Variants in BIRC2 observed in about 807,000 individuals in gnomAD.
The protein encoded by BIRC2 is baculoviral IAP repeat containing 2, also known as baculoviral IAP repeat-containing protein 2.
Under a neutral mutation model 60.9 loss-of-function variants are expected in BIRC2, and 18 were observed. That is an observed-to-expected ratio of 0.30 (90% CI 0.20 to 0.44). The LOEUF (loss-of-function observed/expected upper bound fraction) is 0.44. Among genes scored for constraint, BIRC2 ranks in the 20% least tolerant of loss-of-function variants. BIRC2 has a pLI of 1.00. For synonymous variants in BIRC2, 282 were observed against 247.7 expected (o/e 1.14, Z -1.30); for missense variants, 701 against 728.5 (o/e 0.96, Z 0.43).
rs1388056176 is a variant in BIRC2 at position 102,368,490 on chromosome 11, T to A, written c.1308T>A (p.Asn436Lys). 6.2e-7 allele frequency: 1 copy of A among 1,613,880 alleles called. No individual in the cohort carries two copies. Among genetic ancestry groups the A allele is most frequent in the Non-Finnish European group, 8.5e-7 (1 of 1,179,922 alleles). Residue 436 changes from asparagine to lysine, a missense_variant, in exon 6 of 9, where the codon AAT (asparagine) becomes AAA (lysine). Transcript: ENST00000227758. The part of the protein sequence containing the change: ...TVNDIVSALL[N>K]AEDEKREEEK... ...ATGATATTGTGTCAGCACTTCTTAA[T>A]GCTGAAGATGAAAAAAGAGAAGAGG...
In BIRC2 at chr11:102,350,165, A is replaced by T; in HGVS notation, c.311A>T (p.Lys104Ile). The change falls in exon 2 of 9, where the codon AAA (lysine) becomes ATA (isoleucine). Residue 104 changes from lysine (K) to isoleucine (I), a missense_variant. Lys to Ile is a moderately radical substitution (Grantham distance 102). This residue lies in a region of BIRC2 where 375 missense variants were observed against 365.9 expected (regional missense o/e 1.02). Coordinates refer to ENST00000227758, the MANE Select transcript of BIRC2 (RefSeq NM_001166.5). ...KLGDSPIQKHKQLYPSCSFIQ... is the reference protein window; with the variant it reads ...KLGDSPIQKHIQLYPSCSFIQ... ...GGAGACAGTCCTATTCAAAAGCATA[A>T]ACAGCTATATCCTAGCTGTAGCTTT... 1 of 1,614,204 alleles carries T rather than the reference A, an allele frequency of 6.2e-7. No homozygotes were observed. Among genetic ancestry groups the T allele is most frequent in the South Asian group, 1.1e-5 (1 of 91,086 alleles).
At chr11:102,377,381 T>C in intron 6 of BIRC2, 115 bp from the exon 7 acceptor site, 1 of 924,164 alleles carries the variant, frequency 1.1e-6, no homozygotes, top group South Asian at 1.9e-5. Context: ...ACTTTGTTCT[T>C]TTTTGAACTT....
chr11:102,362,041 A>C (rs1951490522), intron 3 of BIRC2, among the ~76,000 whole-genome samples: 1 of 152,076 alleles, frequency 6.6e-6, no homozygotes, highest in South Asian at 2.1e-4. Context: ...TCTTTTGAAG[A>C]GCAGATGTTT....
At position 102,349,859 on chromosome 11, in the gene BIRC2, A is replaced by G; in HGVS notation, c.5A>G (p.His2Arg). Reference sequence around the variant, plus strand: ...AAACAGTACTGTCACCTACTCATGCACAAAACTGCCTCCCAAAGACTTTTC... The same window carrying G: ...AAACAGTACTGTCACCTACTCATGCGCAAAACTGCCTCCCAAAGACTTTTC... Reference protein sequence around the residue: MHKTASQRLFPG... With the variant: MRKTASQRLFPG... The change falls in exon 2 of 9, where the codon CAC becomes CGC. Residue 2 changes from histidine to arginine, a missense_variant. His to Arg is a conservative substitution (Grantham distance 29). Coordinates refer to ENST00000227758, the MANE Select transcript of BIRC2 (RefSeq NM_001166.5). 5 of 1,600,810 alleles carry G rather than the reference A, an allele frequency of 3.1e-6. No homozygotes were observed. Among genetic ancestry groups the G allele is most frequent in the Non-Finnish European group, 4.3e-6 (5 of 1,172,776 alleles).
At chr11:102,360,703 T>C (rs897189004) in intron 3 of BIRC2, among the ~76,000 whole-genome samples, 5 of 151,756 alleles carry the variant, frequency 3.3e-5, no homozygotes, top group Non-Finnish European at 7.4e-5. Flanking sequence ...TTTTTTTCTT[T>C]CTGTTTCTTG....
At chr11:102,374,181 CTCCA>C (rs1816059452) in intron 6 of BIRC2, among the ~76,000 whole-genome samples, 2 of 151,336 alleles carry the variant, frequency 1.3e-5, no homozygotes, top group African/African-American at 4.9e-5. Context: ...CAAAGTCATT[CTCCA>C]TCCAGCTTTG....
In BIRC2 at chr11:102,349,825, T is replaced by G. The variant is rs762676337; in HGVS notation, c.-30T>G. The G allele has an allele frequency of 5.2e-6, 8 of 1,527,756 alleles. No individual in the cohort carries two copies. Among genetic ancestry groups the G allele is most frequent in the South Asian group, 1.3e-5 (1 of 76,418 alleles). The allele number at this position is 1,527,756 out of a possible 1,614,324, so 94.6% of individuals were successfully genotyped here. A position where few individuals can be genotyped will look rare whatever the true frequency, so the allele number is the denominator to read the frequency against. ...TGTGAAGAAATTTCATGTGAATGTT[T>G]TAGCTATCAAACAGTACTGTCACCT... On this transcript the variant is annotated 5_prime_UTR_variant, in exon 2 of 9. Coordinates refer to ENST00000227758, the MANE Select transcript of BIRC2 (RefSeq NM_001166.5).
In BIRC2 at chr11:102,350,359, A is replaced by G; in HGVS notation, c.505A>G (p.Ile169Val). ...TCTTAATTCTAGAGCAGTTGAAGAC[A>G]TCTCTTCATCGAGGACTAACCCCTA... ...NPLNSRAVED[I>V]SSSRTNPYSY... Residue 169 changes from isoleucine to valine, a missense_variant, in exon 2 of 9, where the codon ATC becomes GTC. Physicochemically the swap from Ile to Val is conservative, Grantham distance 29 (BLOSUM62 3). Coordinates refer to ENST00000227758, the MANE Select transcript of BIRC2 (RefSeq NM_001166.5). The G allele has an allele frequency of 6.2e-7, 1 of 1,614,226 alleles. No individual in the cohort carries two copies. The highest frequency in any genetic ancestry group is 8.5e-7 in the Non-Finnish European group (1 of 1,180,036).
At chr11:102,371,776 C>T (rs975714224) in intron 6 of BIRC2, among the ~76,000 whole-genome samples, 13 of 147,780 alleles carry the variant, frequency 8.8e-5, no homozygotes, top group East Asian at 3.9e-4. Flanking sequence ...GGTAGAATTC[C>T]GCTGTGAATC....
chr11:102,360,571 A>G (rs1451008081), intron 3 of BIRC2, among the ~76,000 whole-genome samples: 1 of 151,194 alleles, frequency 6.6e-6, no homozygotes, highest in Non-Finnish European at 1.5e-5. Flanking sequence ...TTTGTAGCTC[A>G]CTGAGTTTGC....
In BIRC2 at chr11:102,368,636, C is replaced by G. The variant is rs867800259; in HGVS notation, c.1366+88C>G. The G allele has an allele frequency of 4.0e-6, 6 of 1,506,108 alleles. No individual in the cohort carries two copies. In the Middle Eastern group the frequency reaches 5.3e-4, roughly 134 times the overall value. 93.3% of individuals were successfully genotyped at this position (1,506,108 alleles called of 1,614,324 possible). On this transcript the variant is annotated intron_variant, in intron 6 of 8. Transcript: ENST00000227758. ...GTTACAGGACACCATGCTTGTTTCA[C>G]ATCCACTAACTGCTGGTAGCAGTCC...
At position 102,351,161 on chromosome 11, in the gene BIRC2, G is replaced by A. The variant is rs35867864; in HGVS notation, c.995+218G>A. ...TTGTAAGTCAGTTACAAGTATGACCGTACATTTTATTTATTTCCCATTTCT... is the reference window on the plus strand; with the variant it reads ...TTGTAAGTCAGTTACAAGTATGACCATACATTTTATTTATTTCCCATTTCT... On this transcript the variant is annotated intron_variant, in intron 3 of 8. Coordinates refer to ENST00000227758, the MANE Select transcript of BIRC2 (RefSeq NM_001166.5). 5.7e-4 allele frequency among the ~76,000 whole-genome samples: 87 copies of A among 152,188 alleles called. 1 individual carries two copies. Among genetic ancestry groups the A allele is most frequent in the African/African-American group, 2.0e-3 (85 of 41,502 alleles).
In BIRC2 at chr11:102,350,555, A is replaced by G; in HGVS notation, c.701A>G (p.Asp234Gly). Residue 234 changes from aspartate to glycine, a missense_variant, in exon 2 of 9, where the codon GAT becomes GGT. Coordinates refer to ENST00000227758, the MANE Select transcript of BIRC2 (RefSeq NM_001166.5). Reference sequence around the variant, plus strand: ...AAGCTCAGTAACTGGGAACCAAAGGATGATGCTATGTCAGAACACCGGAGG... The same window carrying G: ...AAGCTCAGTAACTGGGAACCAAAGGGTGATGCTATGTCAGAACACCGGAGG... ...GGKLSNWEPK[D>G]DAMSEHRRHF... is the part of the protein sequence containing the mutation. The G allele has an allele frequency of 6.2e-7, 1 of 1,614,218 alleles. No homozygotes were observed. Among genetic ancestry groups the G allele is most frequent in the African/African-American group, 1.3e-5 (1 of 75,060 alleles).
intron 3 of BIRC2, among the ~76,000 whole-genome samples, chr11:102,359,336 C>CT (rs564257866): frequency 4.1e-4 from 63 of 151,828 alleles, no homozygotes; most frequent in Non-Finnish European, 7.2e-4. Context: ...ATTTTTAATA[C>CT]TTTTTTTTAA....
chr11:102,358,946 G>A (rs1237315645), intron 3 of BIRC2, among the ~76,000 whole-genome samples: 1 of 152,068 alleles, frequency 6.6e-6, no homozygotes, highest in Non-Finnish European at 1.5e-5. Context: ...GGAGAATTTG[G>A]CCCATTTACA....
At chr11:102,354,954 T>TG (rs1480742176) in intron 3 of BIRC2, among the ~76,000 whole-genome samples, 1 of 150,898 alleles carries the variant, frequency 6.6e-6, no homozygotes, top group Non-Finnish European at 1.5e-5. Flanking sequence ...GTTTTTTTTT[T>TG]TTTTTTTTTT....
Position 102,348,891 on chromosome 11 carries a change from T to A in BIRC2, c.-964T>A, listed in dbSNP as rs959499822. The A allele has an allele frequency of 1.0e-5, 2 of 190,724 alleles. No homozygotes were observed. The highest frequency in any genetic ancestry group is 1.1e-5 in the Non-Finnish European group (1 of 91,046). 11.8% of individuals were successfully genotyped at this position (190,724 alleles called of 1,614,324 possible). A position where few individuals can be genotyped will look rare whatever the true frequency, so the allele number is the denominator to read the frequency against. ...ATCTTGTGATAAATTGATTAATGTT[T>A]ACAACATGACTGATAATTATAGCTG... On this transcript the variant is annotated 5_prime_UTR_variant, in exon 2 of 9. Coordinates refer to ENST00000227758, the MANE Select transcript of BIRC2 (RefSeq NM_001166.5).
intron 3 of BIRC2, among the ~76,000 whole-genome samples, chr11:102,360,021 C>T (rs1220712668): frequency 2.0e-5 from 3 of 151,130 alleles, no homozygotes; most frequent in Non-Finnish European, 4.4e-5. Context: ...GGCTGGAGTG[C>T]AGTGGCATGA....
intron 6 of BIRC2, among the ~76,000 whole-genome samples, chr11:102,371,472 T>C (rs1417743508): frequency 8.6e-6 from 1 of 116,544 alleles, no homozygotes; most frequent in South Asian, 3.1e-4. Flanking sequence ...ATTACATTTA[T>C]TGATTTGCGT....
Sources: allele counts gnomAD v4.1 joint callset (sites outside exome capture counted in the v4.1 genomes callset), GRCh38; gene constraint gnomAD v4.1.1; regional missense constraint gnomAD v4.1.1; transcripts MANE v1.5; gene names NCBI Gene and HGNC (gene_info 2026-07-23, HGNC 2026-07-21).